The following LRP1B variants were observed in gnomAD, a reference collection of about 807,000 sequenced individuals.
The protein encoded by LRP1B is low-density lipoprotein receptor-related protein 1B.
LRP1B carries 217 observed loss-of-function variants against 556.6 expected under a neutral mutation model. That is an observed-to-expected ratio of 0.39 (90% CI 0.35 to 0.44). The LOEUF is 0.44. Ranked by LOEUF, LRP1B falls within the 20% of genes least tolerant of loss-of-function variation. The pLI, the probability that LRP1B is intolerant of heterozygous loss-of-function variation, is 1.00. For missense variants in LRP1B, 5,053 were observed against 5,620.8 expected, an observed-to-expected ratio of 0.90 and a Z score of 3.23; for synonymous variants, 2,047 against 1,865.8, an observed-to-expected ratio of 1.10 and a Z score of -2.50.
At chr2:141,539,461 G>A (rs1039963974) in intron 2 of LRP1B, among the ~76,000 whole-genome samples, 8 of 151,972 alleles carry the variant, frequency 5.3e-5, no homozygotes, top group Admixed American at 1.3e-4. Flanking sequence ...TTGTAATTCC[G>A]TAGGTATTTC....
rs111467628 is a variant in LRP1B, at chr2:141,761,156, T to C, written c.205+49123A>G. ...ACACTCTTCATTAAGTTCAGTGATA[T>C]TTGTGTTTCTGTAAAAAGAGATTGC... On this transcript the variant is annotated intron_variant, in intron 2 of 90. Transcript: ENST00000389484. Among the ~76,000 whole-genome samples the C allele has an allele frequency of 8.7e-3, 1,318 of 152,288 alleles. 23 individuals carry two copies. The highest frequency in any genetic ancestry group is 0.03 in the African/African-American group (1,244 of 41,560).
At chr2:141,322,715 C>T (rs1369349536) in intron 3 of LRP1B, among the ~76,000 whole-genome samples, 3 of 151,982 alleles carry the variant, frequency 2.0e-5, no homozygotes, top group Admixed American at 1.3e-4. Context: ...AAATTTACAA[C>T]CTCCCCTACA....
chr2:140,516,850 G>A (rs932429290), intron 50 of LRP1B, 39 bp downstream of exon 50: 1 of 1,596,794 alleles, frequency 6.3e-7, no homozygotes, highest in Non-Finnish European at 8.6e-7. Context: ...ATAAGTAATA[G>A]TAAGGTTAAC....
chr2:141,512,600 T>C (rs1574031145), intron 2 of LRP1B, among the ~76,000 whole-genome samples: 1 of 152,282 alleles, frequency 6.6e-6, no homozygotes, highest in South Asian at 2.1e-4. Context: ...AACTGTTATG[T>C]AAAAGGGAAA....
intron 2 of LRP1B, among the ~76,000 whole-genome samples, chr2:141,799,063 C>A (rs1198296066): frequency 2.0e-5 from 3 of 151,952 alleles, no homozygotes; most frequent in Non-Finnish European, 4.4e-5. Context: ...AGAATTCCAG[C>A]CTCCAGAACT....
chr2:141,875,865 A>G (rs1346996811), intron 1 of LRP1B, among the ~76,000 whole-genome samples: 4 of 151,952 alleles, frequency 2.6e-5, no homozygotes, highest in African/African-American at 7.2e-5. Context: ...GTATACTTAT[A>G]TATGTTTTTT....
chr2:141,147,425 AC>A (rs1701813400), intron 7 of LRP1B, among the ~76,000 whole-genome samples: 1 of 152,164 alleles, frequency 6.6e-6, no homozygotes, highest in South Asian at 2.1e-4. Context: ...GTTGTAGGAA[AC>A]CCTGTGTTAC....
Position 140,752,733 on chromosome 2 carries a change from A to T in LRP1B, c.5758+16480T>A, listed in dbSNP as rs566410084. ...TTTTTAAATATACTTATTTTTTTCA[A>T]ACAATTTTAGATTCACAACCAAATT... On this transcript the variant is annotated intron_variant, in intron 35 of 90. Transcript: ENST00000389484. Among the ~76,000 whole-genome samples, 72 of 152,312 alleles carry T rather than the reference A, an allele frequency of 4.7e-4. 1 individual carries two copies. Among genetic ancestry groups the T allele is most frequent in the Non-Finnish European group, 9.8e-4 (67 of 68,022 alleles).
Position 141,229,167 on chromosome 2 carries a change from T to G in LRP1B, c.850+16A>C. 1 of 1,611,402 alleles carries G rather than the reference T, an allele frequency of 6.2e-7. No individual in the cohort carries two copies. Among genetic ancestry groups the G allele is most frequent in the Non-Finnish European group, 8.5e-7 (1 of 1,178,494 alleles). On this transcript the variant is annotated intron_variant, in intron 6 of 90. Transcript: ENST00000389484. ...TCAGTAAAGGGTGGCATATAATATT[T>G]AATTGAAACACTTACTGTGGAAGGA... is the stretch of plus-strand genomic sequence containing the variant.
At chr2:141,856,310 G>A (rs140233620) in intron 1 of LRP1B, among the ~76,000 whole-genome samples, 104 of 152,198 alleles carry the variant, frequency 6.8e-4, no homozygotes, top group African/African-American at 1.8e-3. Context: ...TAGTCTAAGC[G>A]TTTTAAAGTA....
intron 32 of LRP1B, among the ~76,000 whole-genome samples, chr2:140,810,472 GTT>G (rs56712346): frequency 3.3e-5 from 5 of 151,000 alleles, no homozygotes; most frequent in African/African-American, 1.2e-4. Context: ...CTTTTTCATT[GTT>G]TTTTTTTATA....
At chr2:140,775,351 CCTAT>C (rs1689455728) in intron 33 of LRP1B, among the ~76,000 whole-genome samples, 1 of 151,772 alleles carries the variant, frequency 6.6e-6, no homozygotes, top group African/African-American at 2.4e-5. Context: ...GATGAAAATC[CCTAT>C]CTTAGTGTTC....
At chr2:141,756,136 C>T (rs751753963) in intron 2 of LRP1B, among the ~76,000 whole-genome samples, 1 of 152,090 alleles carries the variant, frequency 6.6e-6, no homozygotes, top group Non-Finnish European at 1.5e-5. Flanking sequence ...CTCCCTCTTA[C>T]CTTCTTCTGC....
rs186696588 is a variant in LRP1B, at chr2:140,512,032, T to G, written c.8270-1976A>C. On this transcript the variant is annotated intron_variant, in intron 51 of 90. Coordinates refer to ENST00000389484, the MANE Select transcript of LRP1B (RefSeq NM_018557.3). ...TGTTTTTAACTGCATTTTTTTCTCT[T>G]AAGGAAGTTTTGATAAATGTAAAAT... Among the ~76,000 whole-genome samples the G allele has an allele frequency of 1.9e-3, 293 of 152,318 alleles. 3 individuals carry two copies. The highest frequency in any genetic ancestry group is 6.7e-3 in the African/African-American group (280 of 41,578).
Position 141,209,658 on chromosome 2 carries a change from G to A in LRP1B, c.850+19525C>T, listed in dbSNP as rs566837702. The stretch of plus-strand genomic sequence containing the variant: ...TTTGCCCATGAAATCCTTTTTCCAA[G>A]AATGTCTTTCAGAAATGGTGTCCCC... On this transcript the variant is annotated intron_variant, in intron 6 of 90. Coordinates refer to ENST00000389484, the MANE Select transcript of LRP1B (RefSeq NM_018557.3). Among the ~76,000 whole-genome samples, 227 of 152,190 alleles carry A rather than the reference G, an allele frequency of 1.5e-3. 1 individual carries two copies. Among genetic ancestry groups the A allele is most frequent in the Non-Finnish European group, 2.4e-3 (165 of 68,010 alleles).
chr2:140,260,406 T>C (rs1681878382), intron 86 of LRP1B, among the ~76,000 whole-genome samples: 1 of 151,922 alleles, frequency 6.6e-6, no homozygotes, highest in Non-Finnish European at 1.5e-5. Context: ...ATTCCAGCAA[T>C]AAGAGATGTC....
chr2:141,456,396 T>G (rs1681629709), intron 3 of LRP1B, among the ~76,000 whole-genome samples: 2 of 152,226 alleles, frequency 1.3e-5, no homozygotes, highest in African/African-American at 4.8e-5. Context: ...CTATAGTCTT[T>G]ATATCACATC....
chr2:140,498,930 G>A (rs1558924418), intron 55 of LRP1B, among the ~76,000 whole-genome samples: 1 of 151,794 alleles, frequency 6.6e-6, no homozygotes, highest in Non-Finnish European at 1.5e-5. Flanking sequence ...ATCAATAGGT[G>A]TTTTATATTA....
chr2:142,021,834 A>G (rs1446662365), intron 1 of LRP1B, among the ~76,000 whole-genome samples: 1 of 152,156 alleles, frequency 6.6e-6, no homozygotes, highest in East Asian at 1.9e-4. Flanking sequence ...AACAAAAAAT[A>G]TAATATTTTT....
Sources: allele counts gnomAD v4.1 joint callset (sites outside exome capture counted in the v4.1 genomes callset), GRCh38; gene constraint gnomAD v4.1.1; transcripts MANE v1.5; gene names NCBI Gene and HGNC (gene_info 2026-07-23, HGNC 2026-07-21).